PPFIA2: variants seen among roughly 807,000 people sequenced by gnomAD.
The protein encoded by PPFIA2 is liprin-alpha-2.
In PPFIA2, 46 loss-of-function variants were observed where a neutral mutation model predicts 175.5. That is an observed-to-expected ratio of 0.26 (90% CI 0.21 to 0.34). The LOEUF is 0.34. Among genes scored for constraint, PPFIA2 ranks in the 10% least tolerant of loss-of-function variants. The pLI, the probability that PPFIA2 is intolerant of heterozygous loss-of-function variation, is 1.00. For missense variants in PPFIA2, 1,179 were observed against 1,506.1 expected (o/e 0.78, Z 3.60); for synonymous variants, 568 against 511.4 (o/e 1.11, Z -1.49).
intron 4 of PPFIA2, among the ~76,000 whole-genome samples, chr12:81,506,973 C>T (rs2061242522): frequency 6.6e-6 from 1 of 152,208 alleles, no homozygotes; most frequent in African/African-American, 2.4e-5. Context: ...AGTCCTAATG[C>T]TTTAAAGCAT....
chr12:81,372,323 T>C (rs1026460329), intron 11 of PPFIA2, among the ~76,000 whole-genome samples: 72 of 151,238 alleles, frequency 4.8e-4, no homozygotes, highest in African/African-American at 1.7e-3. Context: ...GACAGTAAAG[T>C]AGAAAAACGT....
chr12:81,289,337 T>A (rs2044288337), intron 24 of PPFIA2, among the ~76,000 whole-genome samples: 1 of 151,886 alleles, frequency 6.6e-6, no homozygotes, highest in Non-Finnish European at 1.5e-5. Flanking sequence ...TACATTTATG[T>A]TTAATCTTGT....
At chr12:81,393,607 T>C (rs2040554450) in intron 8 of PPFIA2, among the ~76,000 whole-genome samples, 1 of 152,006 alleles carries the variant, frequency 6.6e-6, no homozygotes, top group South Asian at 2.1e-4. Context: ...AAAAAACAGA[T>C]TGCTCCCCTT....
chr12:81,670,263 A>T (rs1364967157), intron 4 of PPFIA2, among the ~76,000 whole-genome samples: 3 of 151,936 alleles, frequency 2.0e-5, no homozygotes, highest in African/African-American at 7.2e-5. Flanking sequence ...TTCAGTTATT[A>T]TTATTTAAGT....
At chr12:81,295,587 T>C (rs1001671230) in intron 23 of PPFIA2, among the ~76,000 whole-genome samples, 15 of 152,186 alleles carry the variant, frequency 9.9e-5, no homozygotes, top group Non-Finnish European at 1.8e-4. Flanking sequence ...AATTAGATGC[T>C]ATATATGAAA....
At chr12:81,681,910 A>C (rs2073712502) in intron 3 of PPFIA2, among the ~76,000 whole-genome samples, 1 of 152,068 alleles carries the variant, frequency 6.6e-6, no homozygotes. Context: ...ATATCCCACA[A>C]GACCCAAGAG....
At chr12:81,369,063 G>T in intron 12 of PPFIA2, 48 bp downstream of exon 12, 1 of 1,453,370 alleles carries the variant, frequency 6.9e-7, no homozygotes, top group South Asian at 1.2e-5. Context: ...TACAGAATAC[G>T]AATTCATAAA....
intron 4 of PPFIA2, among the ~76,000 whole-genome samples, chr12:81,540,940 C>T (rs550865263): frequency 9.9e-5 from 15 of 151,970 alleles, no homozygotes; most frequent in Non-Finnish European, 1.6e-4. Flanking sequence ...GGTGCCTCCG[C>T]ATTCCATTTC....
chr12:81,467,582 C>T (rs1485246393), intron 4 of PPFIA2, among the ~76,000 whole-genome samples: 1 of 152,074 alleles, frequency 6.6e-6, no homozygotes, highest in Non-Finnish European at 1.5e-5. Flanking sequence ...GAACATGTTA[C>T]ATTATTTGAA....
chr12:81,582,008 T>C (rs914259213), intron 4 of PPFIA2, among the ~76,000 whole-genome samples: 1 of 151,952 alleles, frequency 6.6e-6, no homozygotes, highest in African/African-American at 2.4e-5. Context: ...GTTTCAAGTT[T>C]AGATATAAGG....
intron 3 of PPFIA2, among the ~76,000 whole-genome samples, chr12:81,729,354 T>A (rs2080531392): frequency 6.6e-6 from 1 of 151,454 alleles, no homozygotes; most frequent in Non-Finnish European, 1.5e-5. Flanking sequence ...TTAGAGCAAG[T>A]CCTCTGGATA....
intron 4 of PPFIA2, among the ~76,000 whole-genome samples, chr12:81,566,319 C>T (rs540093573): frequency 1.3e-5 from 2 of 151,994 alleles, no homozygotes; most frequent in South Asian, 2.1e-4. Flanking sequence ...GTCAAGAGAT[C>T]GAGACCATCC....
At chr12:81,263,808 T>G (rs1045052287) in intron 30 of PPFIA2, among the ~76,000 whole-genome samples, 14 of 152,240 alleles carry the variant, frequency 9.2e-5, no homozygotes, top group Non-Finnish European at 1.6e-4. Flanking sequence ...AAATGACTTC[T>G]ATGTACACAA....
At chr12:81,682,277 G>C (rs1000435488) in intron 3 of PPFIA2, among the ~76,000 whole-genome samples, 3 of 151,852 alleles carry the variant, frequency 2.0e-5, no homozygotes, top group African/African-American at 7.3e-5. Context: ...ACAAGAAGAA[G>C]GCAGCAATTT....
intron 4 of PPFIA2, among the ~76,000 whole-genome samples, chr12:81,647,906 C>T (rs1483657173): frequency 7.1e-6 from 1 of 139,948 alleles, no homozygotes; most frequent in African/African-American, 2.6e-5. Flanking sequence ...AAGACATCAT[C>T]AAGAGAAAAA....
intron 4 of PPFIA2, among the ~76,000 whole-genome samples, chr12:81,532,342 G>A (rs2064698620): frequency 1.3e-5 from 2 of 151,724 alleles, no homozygotes. Flanking sequence ...AAAAAAGAAA[G>A]TGAGATGAAA....
At chr12:81,306,753 G>A (rs1005241813) in intron 22 of PPFIA2, among the ~76,000 whole-genome samples, 1 of 151,744 alleles carries the variant, frequency 6.6e-6, no homozygotes, top group African/African-American at 2.4e-5. Flanking sequence ...TGTTAGCCAG[G>A]GTGGTCTCGA....
intron 3 of PPFIA2, among the ~76,000 whole-genome samples, chr12:81,724,973 A>C (rs1034651857): frequency 3.4e-4 from 51 of 150,946 alleles, no homozygotes; most frequent in African/African-American, 1.2e-3. Context: ...CTTTTTCTCC[A>C]CACCCTCATC....
At chr12:81,751,534 TACAC>T (rs10591884) in intron 3 of PPFIA2, among the ~76,000 whole-genome samples, 10,409 of 144,010 alleles carry the variant, frequency 0.072, 499 homozygotes, top group African/African-American at 0.14. Context: ...TATAATATGC[TACAC>T]ACACACACAC....
Sources: allele counts gnomAD v4.1 joint callset (sites outside exome capture counted in the v4.1 genomes callset), GRCh38; gene constraint gnomAD v4.1.1; transcripts MANE v1.5; gene names NCBI Gene and HGNC (gene_info 2026-07-23, HGNC 2026-07-21).